Variants in PTPN12 observed in about 807,000 individuals in gnomAD.
The protein encoded by PTPN12 is protein tyrosine phosphatase non-receptor type 12.
A neutral mutation model predicts 97.6 loss-of-function variants in PTPN12; 29 were observed. That is an observed-to-expected ratio of 0.30 (90% CI 0.22 to 0.41). The LOEUF is 0.41. Ranked by LOEUF, PTPN12 falls within the 10% of genes least tolerant of loss-of-function variation. The pLI, the probability that PTPN12 is intolerant of heterozygous loss-of-function variation, is 1.00. For synonymous variants in PTPN12, 327 were observed against 300.4 expected (o/e 1.09, Z -0.91); for missense variants, 819 against 926.0 (o/e 0.88, Z 1.50).
intron 4 of PTPN12, 94 bp from the exon 5 acceptor site, chr7:77,585,449 C>A: frequency 1.9e-6 from 2 of 1,064,034 alleles, no homozygotes; most frequent in Non-Finnish European, 1.4e-6. Flanking sequence ...TTATACTTCT[C>A]GGTGCAAAAT....
chr7:77,626,640 A>G (rs1789195625), intron 12 of PTPN12, 65 bp from the exon 13 acceptor site: 5 of 1,482,386 alleles, frequency 3.4e-6, no homozygotes, highest in Non-Finnish European at 4.5e-6. Context: ...TCTTAGCTAC[A>G]TAATTCTCAG....
intron 2 of PTPN12, among the ~76,000 whole-genome samples, chr7:77,581,111 C>T (rs1787502038): frequency 1.3e-5 from 2 of 152,058 alleles, no homozygotes; most frequent in Admixed American, 6.6e-5. Context: ...TTCACTCTGT[C>T]GCCCAGGCTA....
chr7:77,625,323 T>C (rs1181470874), intron 12 of PTPN12, among the ~76,000 whole-genome samples: 3 of 149,878 alleles, frequency 2.0e-5, no homozygotes, highest in Non-Finnish European at 3.0e-5. Context: ...TGATCAGAGC[T>C]CCCTGCAGCC....
At chr7:77,592,126 A>G (rs1175216932) in intron 5 of PTPN12, 59 bp from the exon 6 acceptor site, 4 of 1,423,638 alleles carry the variant, frequency 2.8e-6, no homozygotes, top group South Asian at 1.2e-5. Context: ...CAAAATATTT[A>G]TAACAGTTTA....
chr7:77,566,564 A>G (rs1053762897), intron 1 of PTPN12, among the ~76,000 whole-genome samples: 1 of 152,156 alleles, frequency 6.6e-6, no homozygotes, highest in African/African-American at 2.4e-5. Context: ...TCTACAAAAA[A>G]TACAATTAGC....
chr7:77,557,218 C>A (rs1807762024), intron 1 of PTPN12, among the ~76,000 whole-genome samples: 1 of 152,168 alleles, frequency 6.6e-6, no homozygotes, highest in East Asian at 1.9e-4. Flanking sequence ...CCTCCCGCTT[C>A]CACCTCCCAG....
intron 1 of PTPN12, among the ~76,000 whole-genome samples, chr7:77,550,143 A>G (rs376177184): frequency 1.3e-5 from 2 of 151,768 alleles, no homozygotes; most frequent in African/African-American, 2.4e-5. Context: ...TTGAAATTCT[A>G]TTTGCCTACT....
At chr7:77,635,188 AC>A (rs1445153942) in intron 14 of PTPN12, among the ~76,000 whole-genome samples, 5 of 152,172 alleles carry the variant, frequency 3.3e-5, no homozygotes, top group African/African-American at 1.2e-4. Context: ...ACTTTGGGAG[AC>A]CAAGGCAGGT....
intron 1 of PTPN12, among the ~76,000 whole-genome samples, chr7:77,568,482 TAGTA>T (rs1445434720): frequency 6.6e-6 from 1 of 151,976 alleles, no homozygotes; most frequent in Non-Finnish European, 1.5e-5. Context: ...CTACAAAAAA[TAGTA>T]ATAATAATTA....
Position 77,627,692 on chromosome 7 carries a change from A to T in PTPN12, c.1996+17A>T. The T allele has an allele frequency of 6.6e-7, 1 of 1,526,268 alleles. No individual in the cohort carries two copies. Among genetic ancestry groups the T allele is most frequent in the African/African-American group, 1.4e-5 (1 of 72,212 alleles). 94.5% of individuals were successfully genotyped at this position (1,526,268 alleles called of 1,614,324 possible). ...CTGAAAAAGGTAATAATATAGTGTC[A>T]AATACTTAAATGTCTTTCCTATGTG... is the stretch of plus-strand genomic sequence containing the variant. On this transcript the variant is annotated intron_variant, in intron 13 of 17. Coordinates refer to ENST00000248594, the MANE Select transcript of PTPN12 (RefSeq NM_002835.4).
At chr7:77,575,662 T>C (rs1050311102) in intron 2 of PTPN12, among the ~76,000 whole-genome samples, 6 of 152,334 alleles carry the variant, frequency 3.9e-5, no homozygotes, top group Non-Finnish European at 7.3e-5. Context: ...AATGATTTTT[T>C]TAAAGTAAAT....
chr7:77,588,063 G>A (rs1295000594), intron 5 of PTPN12, among the ~76,000 whole-genome samples: 1 of 152,132 alleles, frequency 6.6e-6, no homozygotes, highest in Non-Finnish European at 1.5e-5. Context: ...TAAGCAATAA[G>A]GCTGTTTGAC....
chr7:77,630,837 C>T (rs777351923), intron 13 of PTPN12, among the ~76,000 whole-genome samples: 12 of 152,144 alleles, frequency 7.9e-5, no homozygotes, highest in East Asian at 3.8e-4. Context: ...ATATAAAATA[C>T]GCAATATCTG....
chr7:77,549,441 T>C (rs1807374622), intron 1 of PTPN12, among the ~76,000 whole-genome samples: 1 of 152,170 alleles, frequency 6.6e-6, no homozygotes, highest in African/African-American at 2.4e-5. Context: ...TTTTAAGGTT[T>C]CTGTGTAGCA....
chr7:77,625,516 T>TCA (rs1789129792), intron 12 of PTPN12, among the ~76,000 whole-genome samples: 4 of 100,352 alleles, frequency 4.0e-5, no homozygotes, highest in Admixed American at 1.1e-4. Flanking sequence ...TCTCTCTCTC[T>TCA]CTCTCTCACT....
intron 8 of PTPN12, among the ~76,000 whole-genome samples, chr7:77,605,536 C>T (rs1029968991): frequency 1.3e-5 from 2 of 150,082 alleles, no homozygotes; most frequent in African/African-American, 2.5e-5. Flanking sequence ...TCTCCTGCCT[C>T]AGCCTCCCAA....
intron 14 of PTPN12, 34 bp from the exon 15 acceptor site, chr7:77,635,747 AG>A (rs1220271256): frequency 4.4e-6 from 6 of 1,359,978 alleles, no homozygotes; most frequent in African/African-American, 1.5e-5. Context: ...CAGAAATTCA[AG>A]GTGTTAATAA....
At chr7:77,556,257 T>A (rs1807706836) in intron 1 of PTPN12, among the ~76,000 whole-genome samples, 1 of 151,904 alleles carries the variant, frequency 6.6e-6, no homozygotes, top group South Asian at 2.1e-4. Flanking sequence ...GAGAAGGGGT[T>A]TCGTCATGTT....
intron 9 of PTPN12, 45 bp from the exon 10 acceptor site, chr7:77,610,720 T>A: frequency 6.5e-7 from 1 of 1,526,760 alleles, no homozygotes; most frequent in Non-Finnish European, 8.9e-7. Flanking sequence ...TTTACTATTT[T>A]CTGAATAGAT....
Sources: gnomAD v4.1 joint callset for allele counts (sites outside exome capture counted in the v4.1 genomes callset) on GRCh38, gnomAD v4.1.1 for gene constraint, MANE v1.5 for transcripts, NCBI Gene and HGNC (gene_info 2026-07-23, HGNC 2026-07-21) for gene names.